The following UBR3 variants were observed in gnomAD, a reference collection of about 807,000 sequenced individuals.
The protein encoded by UBR3 is E3 ubiquitin-protein ligase UBR3.
A neutral mutation model predicts 243.2 loss-of-function variants in UBR3; 85 were observed. The ratio of observed to expected loss-of-function variants is 0.35; its 90% confidence interval spans 0.29 to 0.42. The LOEUF (loss-of-function observed/expected upper bound fraction) is 0.42. Ranked by LOEUF, UBR3 falls within the 10% of genes least tolerant of loss-of-function variation. The pLI, the probability that UBR3 is intolerant of heterozygous loss-of-function variation, is 1.00. For missense variants in UBR3, 1,686 were observed against 2,300.8 expected, an observed-to-expected ratio of 0.73 and a Z score of 5.47; for synonymous variants, 748 against 799.8, an observed-to-expected ratio of 0.94 and a Z score of 1.09.
At chr2:170,022,566 C>A (rs1178065899) in intron 30 of UBR3, among the ~76,000 whole-genome samples, 1 of 152,056 alleles carries the variant, frequency 6.6e-6, no homozygotes. Context: ...ACTTTGGGAA[C>A]CTAACCTAAC....
chr2:169,905,026 G>A, intron 8 of UBR3, 88 bp from the exon 9 acceptor site: 2 of 1,137,018 alleles, frequency 1.8e-6, no homozygotes, highest in Non-Finnish European at 2.3e-6. Flanking sequence ...AGGTATATCT[G>A]ATTCTAAAGT....
At chr2:169,959,377 G>A (rs1220075567) in intron 24 of UBR3, among the ~76,000 whole-genome samples, 1 of 147,560 alleles carries the variant, frequency 6.8e-6, no homozygotes, top group Non-Finnish European at 1.5e-5. Context: ...CTGAAAATCT[G>A]AAATCTAAAA....
chr2:170,030,981 G>C (rs765197399), intron 31 of UBR3, among the ~76,000 whole-genome samples: 1 of 152,076 alleles, frequency 6.6e-6, no homozygotes, highest in Non-Finnish European at 1.5e-5. Context: ...TTTTCGGGGA[G>C]ATGGGATCTC....
At chr2:169,885,267 A>G (rs2084045591) in intron 5 of UBR3, among the ~76,000 whole-genome samples, 1 of 152,206 alleles carries the variant, frequency 6.6e-6, no homozygotes, top group Admixed American at 6.5e-5. Flanking sequence ...TTACTACTAT[A>G]GAGTAGGAAT....
At chr2:169,852,798 C>T (rs995657419) in intron 1 of UBR3, among the ~76,000 whole-genome samples, 12 of 118,350 alleles carry the variant, frequency 1.0e-4, no homozygotes, top group South Asian at 2.9e-4. Flanking sequence ...TTGCAGTGAG[C>T]GGAGATCACA....
At chr2:170,073,752 A>G in intron 36 of UBR3, 145 bp downstream of exon 36, 1 of 812,180 alleles carries the variant, frequency 1.2e-6, no homozygotes, top group Non-Finnish European at 1.9e-6. Context: ...TTACTTATGT[A>G]GATTGTATTT....
chr2:169,838,012 G>T (rs2082163261), intron 1 of UBR3, among the ~76,000 whole-genome samples: 1 of 152,168 alleles, frequency 6.6e-6, no homozygotes, highest in Admixed American at 6.5e-5. Flanking sequence ...TTTTGATATG[G>T]CAGGATTTCC....
At chr2:169,899,931 T>G (rs1177592868) in intron 8 of UBR3, among the ~76,000 whole-genome samples, 7 of 152,198 alleles carry the variant, frequency 4.6e-5, no homozygotes. Flanking sequence ...TCCAAGTCTT[T>G]GCTATTGTGA....
intron 11 of UBR3, among the ~76,000 whole-genome samples, chr2:169,923,166 G>A (rs989389714): frequency 6.6e-6 from 1 of 152,146 alleles, no homozygotes; most frequent in Non-Finnish European, 1.5e-5. Flanking sequence ...AATGCCTAAG[G>A]TCATTCACAT....
intron 35 of UBR3, among the ~76,000 whole-genome samples, chr2:170,061,648 A>G (rs1387403930): frequency 6.6e-6 from 1 of 152,008 alleles, no homozygotes; most frequent in Non-Finnish European, 1.5e-5. Context: ...TTGTATTTGT[A>G]GTAGAGACAG....
chr2:169,970,132 G>A (rs2088041377), intron 24 of UBR3, among the ~76,000 whole-genome samples: 1 of 151,418 alleles, frequency 6.6e-6, no homozygotes, highest in Non-Finnish European at 1.5e-5. Context: ...TCCATGACAT[G>A]AGATGTCTGT....
At chr2:169,897,928 A>G (rs533438917) in intron 8 of UBR3, among the ~76,000 whole-genome samples, 90 of 152,276 alleles carry the variant, frequency 5.9e-4, no homozygotes, top group African/African-American at 2.0e-3. Flanking sequence ...TGCTTTAAAG[A>G]TGAGTACATT....
chr2:169,901,713 A>G (rs550076748), intron 8 of UBR3, among the ~76,000 whole-genome samples: 144 of 152,256 alleles, frequency 9.5e-4, no homozygotes, highest in Non-Finnish European at 1.5e-3. Context: ...AAAAAGCCTT[A>G]TAGTAGTATG....
At chr2:169,881,481 A>G (rs897141297) in intron 5 of UBR3, among the ~76,000 whole-genome samples, 18 of 151,768 alleles carry the variant, frequency 1.2e-4, no homozygotes, top group Non-Finnish European at 2.4e-4. Flanking sequence ...GCCCAGCCCC[A>G]GAAAGCTAAA....
In UBR3 at chr2:169,927,424, A is replaced by T. The variant is rs1012724518; in HGVS notation, c.2424+19A>T. The T allele has an allele frequency of 6.6e-7, 1 of 1,508,956 alleles. No homozygotes were observed. The highest frequency in any genetic ancestry group is 1.4e-5 in the African/African-American group (1 of 71,750). 93.5% of individuals were successfully genotyped at this position (1,508,956 alleles called of 1,614,324 possible). A position where few individuals can be genotyped will look rare whatever the true frequency, so the allele number is the denominator to read the frequency against. ...GGACCTCATATCCTTTTAAAATTTT[A>T]CTTTCTGTTAGTTGCAGGATCTAAA... On this transcript the variant is annotated intron_variant, in intron 17 of 38. Transcript: ENST00000272793.
At chr2:169,946,744 A>G (rs956172810) in intron 21 of UBR3, among the ~76,000 whole-genome samples, 1 of 152,138 alleles carries the variant, frequency 6.6e-6, no homozygotes, top group African/African-American at 2.4e-5. Context: ...AAAATTGATT[A>G]TTGGCAAACA....
At chr2:169,902,536 A>T (rs1459550938) in intron 8 of UBR3, among the ~76,000 whole-genome samples, 1 of 113,228 alleles carries the variant, frequency 8.8e-6, no homozygotes, top group Non-Finnish European at 2.3e-5. Flanking sequence ...CTCCACCATC[A>T]CTAGTTTTAT....
chr2:169,897,450 T>C (rs1438275746), intron 8 of UBR3, among the ~76,000 whole-genome samples: 2 of 151,958 alleles, frequency 1.3e-5, no homozygotes, highest in Non-Finnish European at 2.9e-5. Context: ...TGTATATGTG[T>C]GTATATATGT....
intron 30 of UBR3, among the ~76,000 whole-genome samples, chr2:170,028,474 A>C (rs1337501103): frequency 6.6e-6 from 1 of 151,890 alleles, no homozygotes; most frequent in Non-Finnish European, 1.5e-5. Flanking sequence ...AATTTTAATC[A>C]TATGTTAAGA....
Sources: allele counts gnomAD v4.1 joint callset (sites outside exome capture counted in the v4.1 genomes callset), GRCh38; gene constraint gnomAD v4.1.1; transcripts MANE v1.5; gene names NCBI Gene and HGNC (gene_info 2026-07-23, HGNC 2026-07-21).